The following AKAP7 variants were observed in gnomAD, a reference collection of about 807,000 sequenced individuals.
AKAP7 encodes A kinase (PRKA) anchor protein 7.
Under a neutral mutation model 39.5 loss-of-function variants are expected in AKAP7, and 39 were observed. The observed-to-expected ratio is 0.99, with a 90% confidence interval of 0.76 to 1.29. AKAP7 has a LOEUF of 1.29. Among genes scored for constraint, AKAP7 ranks in the 50% most tolerant of loss-of-function variants. AKAP7 has a pLI of 0.00. For missense variants in AKAP7, 414 were observed against 407.7 expected, an observed-to-expected ratio of 1.02 and a Z score of -0.13; for synonymous variants, 140 against 139.1, an observed-to-expected ratio of 1.01 and a Z score of -0.05.
At chr6:131,257,854 ATCC>A (rs1812992926) in intron 7 of AKAP7, among the ~76,000 whole-genome samples, 1 of 152,076 alleles carries the variant, frequency 6.6e-6, no homozygotes. Flanking sequence ...GAAGCAGTAA[ATCC>A]TCCCTTTTTT....
intron 5 of AKAP7, among the ~76,000 whole-genome samples, chr6:131,176,012 T>G (rs1232116402): frequency 2.0e-5 from 3 of 152,228 alleles, no homozygotes; most frequent in Non-Finnish European, 2.9e-5. Context: ...GGTATGCTTG[T>G]CTCTTGTTAA....
chr6:131,184,617 G>T, intron 5 of AKAP7: 1 of 748,962 alleles, frequency 1.3e-6, no homozygotes, highest in Non-Finnish European at 2.5e-6. Flanking sequence ...AGTCGAAACA[G>T]GACACCACCT....
intron 7 of AKAP7, among the ~76,000 whole-genome samples, chr6:131,276,786 T>G (rs1046899444): frequency 2.0e-5 from 3 of 152,180 alleles, no homozygotes; most frequent in African/African-American, 7.2e-5. Flanking sequence ...AGATTTTTCT[T>G]TGTTCCCTTT....
chr6:131,140,437 G>A (rs1019442409), intron 1 of AKAP7, among the ~76,000 whole-genome samples: 6 of 152,112 alleles, frequency 3.9e-5, no homozygotes, highest in Admixed American at 2.0e-4. Context: ...GCGATTTTGC[G>A]AACTTTTCTT....
chr6:131,253,247 T>G, intron 7 of AKAP7: 3 of 772,342 alleles, frequency 3.9e-6, no homozygotes, highest in Non-Finnish European at 5.9e-6. Flanking sequence ...CAAATGATGA[T>G]TTTTTTAAAT....
chr6:131,128,822 CAA>C, the AKAP7 span, among the ~76,000 whole-genome samples: 58,750 of 124,992 alleles, frequency 0.47, 13,270 homozygotes, highest in Non-Finnish European at 0.54. Flanking sequence ...AACTCCATCT[CAA>C]AAAAAAAAAA....
chr6:131,155,993 A>T (rs1802384906), intron 2 of AKAP7, among the ~76,000 whole-genome samples: 1 of 152,226 alleles, frequency 6.6e-6, no homozygotes, highest in Admixed American at 6.5e-5. Context: ...TAAACCTATT[A>T]AGTTACTTAA....
intron 5 of AKAP7, chr6:131,185,069 GTCA>G (rs775021820): frequency 3.1e-4 from 217 of 703,322 alleles, no homozygotes; most frequent in Admixed American, 9.3e-4. Flanking sequence ...TGCCCAGGCT[GTCA>G]TCATCAACTC....
At chr6:131,260,883 A>G (rs566931077) in intron 7 of AKAP7, among the ~76,000 whole-genome samples, 1 of 152,206 alleles carries the variant, frequency 6.6e-6, no homozygotes, top group East Asian at 1.9e-4. Flanking sequence ...ATTTTCCTTA[A>G]TTTATAGTCA....
chr6:131,223,281 A>C (rs1482258835), intron 7 of AKAP7, among the ~76,000 whole-genome samples: 1 of 152,206 alleles, frequency 6.6e-6, no homozygotes, highest in Non-Finnish European at 1.5e-5. Flanking sequence ...GTCTTTAACC[A>C]AGGTAATTTA....
intron 6 of AKAP7, among the ~76,000 whole-genome samples, chr6:131,218,690 A>G (rs755543107): frequency 7.9e-5 from 12 of 152,160 alleles, no homozygotes; most frequent in Non-Finnish European, 1.3e-4. Flanking sequence ...GTTTTGGGGA[A>G]CTACAGAGGT....
At position 131,219,814 on chromosome 6, in the gene AKAP7, T is replaced by A; in HGVS notation, c.850+6T>A. On this transcript the variant is annotated splice_donor_region_variant and intron_variant, in intron 7 of 7. Transcript: ENST00000431975. ...TGAATCTTCCATTGTGATTGGTGAG[T>A]GTCATTTAAAAATTATTTATTATCT... 1 of 1,485,634 alleles carries A rather than the reference T, an allele frequency of 6.7e-7. No individual in the cohort carries two copies. The allele number at this position is 1,485,634 out of a possible 1,614,324, so 92.0% of individuals were successfully genotyped here.
At chr6:131,209,221 C>T (rs1371295577) in intron 6 of AKAP7, among the ~76,000 whole-genome samples, 1 of 151,748 alleles carries the variant, frequency 6.6e-6, no homozygotes, top group Non-Finnish European at 1.5e-5. Flanking sequence ...ATTTATTTTC[C>T]AGCAGTTGCA....
chr6:131,129,886 T>G, the AKAP7 span, among the ~76,000 whole-genome samples: 123,600 of 152,184 alleles, frequency 0.81, 50,912 homozygotes, highest in East Asian at 0.98. Context: ...ATTTGCAACT[T>G]TAGTTTCTAT....
intron 6 of AKAP7, among the ~76,000 whole-genome samples, chr6:131,218,299 AT>A (rs1809378247): frequency 6.6e-6 from 1 of 152,188 alleles, no homozygotes; most frequent in African/African-American, 2.4e-5. Flanking sequence ...ATGGAGAAAA[AT>A]ATTTGGCACA....
intron 5 of AKAP7, among the ~76,000 whole-genome samples, chr6:131,185,947 A>G (rs1805806973): frequency 6.6e-6 from 1 of 152,158 alleles, no homozygotes; most frequent in African/African-American, 2.4e-5. Context: ...TTATAATTTT[A>G]ACTCTTATGT....
At chr6:131,134,753 C>T (rs1381148852), upstream of AKAP7, among the ~76,000 whole-genome samples, 3 of 152,184 alleles carry the variant, frequency 2.0e-5, no homozygotes, top group Admixed American at 2.0e-4. Context: ...GTCTTCTTTT[C>T]TTCCATCCCT....
At chr6:131,136,944 T>A in intron 1 of AKAP7, 2 of 778,476 alleles carry the variant, frequency 2.6e-6, no homozygotes, top group Non-Finnish European at 1.6e-6. Flanking sequence ...ATGTATGTAC[T>A]TATGTATGTA....
chr6:131,261,912 G>A (rs1206895974), intron 7 of AKAP7, among the ~76,000 whole-genome samples: 2 of 152,168 alleles, frequency 1.3e-5, no homozygotes, highest in African/African-American at 4.8e-5. Flanking sequence ...AGGAATAAAG[G>A]GTGGAAAGGC....
Sources: gnomAD v4.1 joint callset for allele counts (sites outside exome capture counted in the v4.1 genomes callset) on GRCh38, gnomAD v4.1.1 for gene constraint, MANE v1.5 for transcripts, NCBI Gene and HGNC (gene_info 2026-07-23, HGNC 2026-07-21) for gene names.